The following LRCH1 variants were observed in gnomAD, a reference collection of about 807,000 sequenced individuals.
LRCH1 encodes leucine-rich repeat and calponin homology domain-containing protein 1.
In LRCH1, 23 loss-of-function variants were observed where a neutral mutation model predicts 94.9. That is an observed-to-expected ratio of 0.24 (90% CI 0.17 to 0.34). The LOEUF (loss-of-function observed/expected upper bound fraction) is 0.34, where lower values mean the gene tolerates loss of function less well. Among genes scored for constraint, LRCH1 ranks in the 10% least tolerant of loss-of-function variants. The pLI is 1.00. For missense variants in LRCH1, 790 were observed against 945.9 expected, an observed-to-expected ratio of 0.84 and a Z score of 2.16; for synonymous variants, 364 against 354.9, an observed-to-expected ratio of 1.03 and a Z score of -0.29.
intron 2 of LRCH1, among the ~76,000 whole-genome samples, chr13:46,657,495 CTTTTCTTTTTTTTTTTTTT>C (rs2051387088): frequency 1.2e-4 from 2 of 16,812 alleles, no homozygotes; most frequent in East Asian, 1.9e-3. Flanking sequence ...TTTTTCTTTT[CTTTTCTTTTTTTTTTTTTT>C]TTTTTTTTTT....
At chr13:46,665,189 A>T (rs1054087189) in intron 2 of LRCH1, among the ~76,000 whole-genome samples, 1 of 152,230 alleles carries the variant, frequency 6.6e-6, no homozygotes, top group Non-Finnish European at 1.5e-5. Context: ...AATCACCTGT[A>T]AGAACATAGC....
At chr13:46,677,465 T>G (rs1210391237) in intron 3 of LRCH1, among the ~76,000 whole-genome samples, 1 of 152,054 alleles carries the variant, frequency 6.6e-6, no homozygotes, top group African/African-American at 2.4e-5. Flanking sequence ...TCTAGTCTCT[T>G]TTACCATATT....
intron 1 of LRCH1, among the ~76,000 whole-genome samples, chr13:46,627,422 T>C (rs570094324): frequency 1.3e-5 from 2 of 151,586 alleles, no homozygotes; most frequent in African/African-American, 4.9e-5. Context: ...AGTTTTAAAT[T>C]TGGCCAGATT....
At position 46,682,425 on chromosome 13, in the gene LRCH1, C is replaced by T. The variant is rs139122156; in HGVS notation, c.685+579C>T. ...CCCTATTTCCAAATACAGTCACATT[C>T]TGAGGTAATAGAGGTTAGGACTTCA... is the stretch of plus-strand genomic sequence containing the variant. On this transcript the variant is annotated intron_variant, in intron 4 of 19. Coordinates refer to ENST00000389797, the MANE Select transcript of LRCH1 (RefSeq NM_001164211.2). Among the ~76,000 whole-genome samples the T allele has an allele frequency of 2.7e-4, 41 of 152,230 alleles. 1 individual carries two copies. Among genetic ancestry groups the T allele is most frequent in the African/African-American group, 9.4e-4 (39 of 41,536 alleles).
chr13:46,601,276 C>T (rs1302749001), intron 1 of LRCH1, among the ~76,000 whole-genome samples: 1 of 152,228 alleles, frequency 6.6e-6, no homozygotes, highest in Non-Finnish European at 1.5e-5. Flanking sequence ...CTTCTCCTCC[C>T]TACAGAAAAC....
At chr13:46,668,733 TGGCGG>T (rs1593338762) in intron 2 of LRCH1, among the ~76,000 whole-genome samples, 8 of 67,570 alleles carry the variant, frequency 1.2e-4, no homozygotes, top group African/African-American at 1.9e-4. Context: ...GGTGGCGGGG[TGGCGG>T]GGTGGCGGGG....
rs2050021669 is a variant in LRCH1 at position 46,553,382 on chromosome 13, G to A, written c.-15G>A. ...CGCAGGAGCGGCGGGGCGGGGTGGG[G>A]GGGCCCGGGAGAAGATGGCGACGCC... On this transcript the variant is annotated 5_prime_UTR_variant, in exon 1 of 20. Coordinates refer to ENST00000389797, the MANE Select transcript of LRCH1 (RefSeq NM_001164211.2). 2.0e-6 allele frequency: 3 copies of A among 1,521,558 alleles called. No homozygotes were observed. The East Asian group carries it at 7.4e-5, about 37-fold the overall frequency. 94.3% of individuals were successfully genotyped at this position (1,521,558 alleles called of 1,614,324 possible). A position where few individuals can be genotyped will look rare whatever the true frequency, so the allele number is the denominator to read the frequency against.
intron 18 of LRCH1, among the ~76,000 whole-genome samples, chr13:46,731,096 T>C (rs998275416): frequency 1.1e-4 from 17 of 151,516 alleles, no homozygotes; most frequent in Non-Finnish European, 7.4e-5. Flanking sequence ...CACTGTTGCT[T>C]TTACCATTAT....
intron 1 of LRCH1, among the ~76,000 whole-genome samples, chr13:46,611,252 T>A (rs987747778): frequency 1.3e-5 from 2 of 152,192 alleles, no homozygotes. Context: ...TGAGGGTTTG[T>A]GGTTCTCAGC....
chr13:46,634,524 G>T (rs926898663), intron 1 of LRCH1, among the ~76,000 whole-genome samples: 1 of 152,166 alleles, frequency 6.6e-6, no homozygotes, highest in African/African-American at 2.4e-5. Flanking sequence ...GGCTGTGCCT[G>T]GTAATCTGGA....
intron 1 of LRCH1, among the ~76,000 whole-genome samples, chr13:46,635,212 G>A: frequency 6.6e-6 from 1 of 152,130 alleles, no homozygotes; most frequent in Non-Finnish European, 1.5e-5. Flanking sequence ...ACACCGCCGT[G>A]CTCTTCTGCA....
At chr13:46,628,304 A>G (rs2050975206) in intron 1 of LRCH1, among the ~76,000 whole-genome samples, 1 of 152,166 alleles carries the variant, frequency 6.6e-6, no homozygotes, top group South Asian at 2.1e-4. Context: ...AGACGTTTGC[A>G]TGAGATCATG....
chr13:46,650,188 C>G lies in LRCH1; in HGVS notation c.308-13C>G. 6.3e-7 allele frequency: 1 copy of G among 1,590,798 alleles called. No individual in the cohort carries two copies. Among genetic ancestry groups the G allele is most frequent in the Non-Finnish European group, 8.6e-7 (1 of 1,165,852 alleles). ...AAATTTTGTTGAGAAAATATTCTCT[C>G]CTTTTCTTATAGACTTATCTAAAAA... On this transcript the variant is annotated splice_polypyrimidine_tract_variant and intron_variant, in intron 1 of 19. Coordinates refer to ENST00000389797, the MANE Select transcript of LRCH1 (RefSeq NM_001164211.2).
At chr13:46,632,213 A>AG (rs2051026613) in intron 1 of LRCH1, among the ~76,000 whole-genome samples, 1 of 151,696 alleles carries the variant, frequency 6.6e-6, no homozygotes, top group Non-Finnish European at 1.5e-5. Context: ...AAAAAAAAAA[A>AG]CAAACCTAAA....
Position 46,728,876 on chromosome 13 carries a change from A to C in LRCH1, c.1899A>C (p.Leu633=). Residue 633 remains leucine, a synonymous_variant, in exon 18 of 20, where the codon CTA becomes CTC. Coordinates refer to ENST00000389797, the MANE Select transcript of LRCH1 (RefSeq NM_001164211.2). Reference sequence around the variant, plus strand: ...TTGAGATGAGATTGAAGGTCAGTCTACACGAAGACCTGGGGGCAGCCCTCA... The same window carrying C: ...TTGAGATGAGATTGAAGGTCAGTCTCCACGAAGACCTGGGGGCAGCCCTCA... ...ESIEMRLKVS[L]HEDLGAALMD... 6.2e-7 allele frequency: 1 copy of C among 1,612,548 alleles called. No individual in the cohort carries two copies. Among genetic ancestry groups the C allele is most frequent in the Non-Finnish European group, 8.5e-7 (1 of 1,179,160 alleles).
At chr13:46,618,417 T>C (rs539169367) in intron 1 of LRCH1, among the ~76,000 whole-genome samples, 3 of 152,354 alleles carry the variant, frequency 2.0e-5, no homozygotes, top group Non-Finnish European at 2.9e-5. Flanking sequence ...GAAACTGTTG[T>C]GTGGGGCATA....
chr13:46,646,433 C>T (rs908166409), intron 1 of LRCH1, among the ~76,000 whole-genome samples: 2 of 152,188 alleles, frequency 1.3e-5, no homozygotes, highest in Non-Finnish European at 2.9e-5. Context: ...GATCCTCTCT[C>T]CAGAAACAAC....
Position 46,723,230 on chromosome 13 carries a change from G to A in LRCH1, c.1769G>A (p.Arg590Lys). 1 of 1,605,776 alleles carries A rather than the reference G, an allele frequency of 6.2e-7. No homozygotes were observed. Among genetic ancestry groups the A allele is most frequent in the Non-Finnish European group, 8.5e-7 (1 of 1,173,052 alleles). ...SEGDSDNVFL[R>K]PQRNLESIDP... ...CCCCTTTGTATTGTAGTGTTTCTAA[G>A]ACCTCAGAGAAATTTGGAATCTATA... Residue 590 changes from arginine (R) to lysine (K), a missense_variant, in exon 17 of 20, where the codon AGA becomes AAA. This residue lies in a region of LRCH1 where 460 missense variants were observed against 508.9 expected (regional missense o/e 0.90). Transcript: ENST00000389797.
At chr13:46,558,448 A>G (rs1315522385) in intron 1 of LRCH1, among the ~76,000 whole-genome samples, 5 of 151,630 alleles carry the variant, frequency 3.3e-5, no homozygotes, top group African/African-American at 1.2e-4. Flanking sequence ...TAAGAACCTG[A>G]CAGTTGGCCG....
Sources: gnomAD v4.1 joint callset for allele counts (sites outside exome capture counted in the v4.1 genomes callset) on GRCh38, gnomAD v4.1.1 for gene constraint, gnomAD v4.1.1 regional missense constraint, MANE v1.5 for transcripts, NCBI Gene and HGNC (gene_info 2026-07-23, HGNC 2026-07-21) for gene names.